BAG1: variants seen among roughly 807,000 people sequenced by gnomAD.
BAG1 encodes the protein BAG cochaperone 1, also known as BAG family molecular chaperone regulator 1.
Under a neutral mutation model 35.5 loss-of-function variants are expected in BAG1, and 35 were observed. That is an observed-to-expected ratio of 0.99 (90% CI 0.75 to 1.31). The LOEUF is 1.31. Among genes scored for constraint, BAG1 ranks in the 50% most tolerant of loss-of-function variants. The probability of loss-of-function intolerance (pLI) is 0.00; values close to 1 mark genes in which losing one functional copy is unlikely to be tolerated. For missense variants in BAG1, 464 were observed against 453.6 expected (o/e 1.02, Z -0.21); for synonymous variants, 191 against 178.9 (o/e 1.07, Z -0.54).
At chr9:33,255,764 A>G in intron 6 of BAG1, 101 bp downstream of exon 6, 2 of 1,321,106 alleles carry the variant, frequency 1.5e-6, no homozygotes, top group Non-Finnish European at 2.2e-6. Context: ...ACAAGCCCAT[A>G]CCACACACCA....
At position 33,253,642 on chromosome 9, in the gene BAG1, A is replaced by G. The variant is rs1333059657; in HGVS notation, c.*1577T>C. 6.6e-6 allele frequency: 1 copy of G among 152,068 alleles called. No homozygotes were observed. Among genetic ancestry groups the G allele is most frequent in the Non-Finnish European group, 1.5e-5 (1 of 68,022 alleles). The allele number at this position is 152,068 out of a possible 1,614,324, so 9.4% of individuals were successfully genotyped here. ...CCAGTCCTGAATTCCTGGGACTTCA[A>G]CGACTCTCTCTCTGCCAAATGATGT... is the stretch of plus-strand genomic sequence containing the variant. On this transcript the variant is annotated 3_prime_UTR_variant, in exon 7 of 7. Transcript: ENST00000634734.
intron 2 of BAG1, among the ~76,000 whole-genome samples, chr9:33,262,470 A>G (rs1421742417): frequency 6.6e-6 from 1 of 152,148 alleles, no homozygotes; most frequent in East Asian, 1.9e-4. Context: ...CAGCCTGGCC[A>G]ACATGGTGAA....
chr9:33,261,169 C>T lies in BAG1; in HGVS notation c.581G>A (p.Gly194Glu). Reference sequence around the variant, plus strand: ...TGTTTCCATTTCCTTCAGAGATTTTCCTAAAAAGAGGAGAAAGGTAGGCCA... The same window carrying T: ...TGTTTCCATTTCCTTCAGAGATTTTTCTAAAAAGAGGAGAAAGGTAGGCCA... The change falls in exon 3 of 7, where the codon GGA (glycine) becomes GAA (glutamate). Residue 194 changes from glycine (G) to glutamate (E), a missense_variant and splice_region_variant. Coordinates refer to ENST00000634734, the MANE Select transcript of BAG1 (RefSeq NM_004323.6). 1.2e-6 allele frequency: 2 copies of T among 1,605,422 alleles called. No homozygotes were observed. The highest frequency in any genetic ancestry group is 1.7e-6 in the Non-Finnish European group (2 of 1,176,036).
chr9:33,262,203 G>C, intron 2 of BAG1: 2 of 1,289,580 alleles, frequency 1.6e-6, no homozygotes, highest in African/African-American at 1.5e-5. Context: ...GTGTTTGAGA[G>C]TGTCCAATAC....
chr9:33,262,651 T>G (rs1390471976), intron 2 of BAG1, 51 bp downstream of exon 2: 13 of 1,494,820 alleles, frequency 8.7e-6, no homozygotes, highest in Non-Finnish European at 1.2e-5. Flanking sequence ...GAGTGAAACT[T>G]CGTCTCAAAA....
chr9:33,263,929 C>T (rs1820639974), intron 1 of BAG1, among the ~76,000 whole-genome samples: 1 of 152,120 alleles, frequency 6.6e-6, no homozygotes, highest in Non-Finnish European at 1.5e-5. Context: ...ACACAAAGGG[C>T]ACAATAACTG....
rs900154097 is a variant in BAG1, at chr9:33,264,611, G to A, written c.64C>T (p.Arg22Cys). 1.5e-6 allele frequency: 2 copies of A among 1,372,718 alleles called. No individual in the cohort carries two copies. Among genetic ancestry groups the A allele is most frequent in the Non-Finnish European group, 9.3e-7 (1 of 1,072,738 alleles). The allele number at this position is 1,372,718 out of a possible 1,614,324, so 85.0% of individuals were successfully genotyped here. A position where few individuals can be genotyped will look rare whatever the true frequency, so the allele number is the denominator to read the frequency against. ...GGCTCCCGGCCTGGCCGAAGGGCGC[G>A]CAGCCGGGAACCCAGCCGCTCCCGG... is the stretch of plus-strand genomic sequence containing the variant. Residue 22 changes from arginine to cysteine, a missense_variant, in exon 1 of 7, where the codon CGC becomes TGC. Coordinates refer to ENST00000634734, the MANE Select transcript of BAG1 (RefSeq NM_004323.6).
rs914514390 is a variant in BAG1 at position 33,261,010 on chromosome 9, G to C, written c.663+77C>G. The stretch of plus-strand genomic sequence containing the variant: ...AATGCAGAATCTGGGTCCCCAGTTT[G>C]GTCTTCTAAACAGAAACATGTATAA... On this transcript the variant is annotated intron_variant, in intron 3 of 6. Coordinates refer to ENST00000634734, the MANE Select transcript of BAG1 (RefSeq NM_004323.6). 6.7e-6 allele frequency: 8 copies of C among 1,198,812 alleles called. No individual in the cohort carries two copies. In the African/African-American group the frequency reaches 1.2e-4, roughly 19 times the overall value. The allele number at this position is 1,198,812 out of a possible 1,614,324, so 74.3% of individuals were successfully genotyped here. A position where few individuals can be genotyped will look rare whatever the true frequency, so the allele number is the denominator to read the frequency against.
chr9:33,256,033 C>T (rs1820446335), intron 5 of BAG1, 106 bp from the exon 6 acceptor site: 1 of 1,008,308 alleles, frequency 9.9e-7, no homozygotes, highest in East Asian at 2.5e-5. Flanking sequence ...CCACAGTACA[C>T]AAAACAGGTC....
At chr9:33,259,174 A>G in intron 3 of BAG1, 141 bp from the exon 4 acceptor site, 1 of 565,276 alleles carries the variant, frequency 1.8e-6, no homozygotes, top group East Asian at 3.4e-5. Context: ...CAGCCTGGCC[A>G]ACATGGTGAA....
In BAG1 at chr9:33,264,528, G is replaced by C. The variant is rs760236330; in HGVS notation, c.147C>G (p.Ala49=). 6.3e-7 allele frequency: 1 copy of C among 1,580,134 alleles called. No homozygotes were observed. Among genetic ancestry groups the C allele is most frequent in the Non-Finnish European group, 8.6e-7 (1 of 1,166,628 alleles). Residue 49 remains alanine, a synonymous_variant, in exon 1 of 7, where the codon GCC becomes GCG. Transcript: ENST00000634734. Reference sequence around the variant, plus strand: ...GGTCATGCCCGCTGGCAGTACTCCGGGCAGGTGGACGCCCAGAGGGAGGCG... The same window carrying C: ...GGTCATGCCCGCTGGCAGTACTCCGCGCAGGTGGACGCCCAGAGGGAGGCG...
intron 3 of BAG1, chr9:33,259,835 C>G (rs1434328016): frequency 2.6e-5 from 4 of 152,068 alleles, no homozygotes; most frequent in Non-Finnish European, 5.9e-5. Context: ...TGAACACTTC[C>G]TACATGCCAC....
intron 3 of BAG1, chr9:33,259,546 GAGA>G (rs1307401937): frequency 1.3e-5 from 2 of 154,312 alleles, no homozygotes; most frequent in Admixed American, 1.3e-4. Context: ...CCAGACTAGA[GAGA>G]AGGTGTTAGG....
intron 4 of BAG1, among the ~76,000 whole-genome samples, chr9:33,258,298 CAAAAAAA>C (rs10591225): frequency 3.3e-4 from 21 of 63,344 alleles, no homozygotes; most frequent in African/African-American, 1.5e-3. Flanking sequence ...GACTCCATAT[CAAAAAAA>C]AAAAAAAAAA....
At chr9:33,258,486 G>A (rs1160487779) in intron 4 of BAG1, among the ~76,000 whole-genome samples, 1 of 151,982 alleles carries the variant, frequency 6.6e-6, no homozygotes, top group African/African-American at 2.4e-5. Flanking sequence ...TGTTCAACTT[G>A]GACCTTCTAT....
rs1327972286 is a variant in BAG1, at chr9:33,252,925, C to G, written c.*2294G>C. 6.6e-6 allele frequency: 1 copy of G among 151,986 alleles called. No individual in the cohort carries two copies. Among genetic ancestry groups the G allele is most frequent in the Non-Finnish European group, 1.5e-5 (1 of 68,078 alleles). The allele number at this position is 151,986 out of a possible 1,614,324, so 9.4% of individuals were successfully genotyped here. A position where few individuals can be genotyped will look rare whatever the true frequency, so the allele number is the denominator to read the frequency against. ...CAGAGGTAGTAGCAGGAGCAAAGAC[C>G]CCCAGGCAGGAGAGGGTGCAGTGCA... On this transcript the variant is annotated 3_prime_UTR_variant, in exon 7 of 7. Transcript: ENST00000634734.
chr9:33,262,887 G>A lies in BAG1; in HGVS notation c.452-57C>T. 15 of 1,595,152 alleles carry A rather than the reference G, an allele frequency of 9.4e-6. 1 individual carries two copies. Among genetic ancestry groups the A allele is most frequent in the Admixed American group, 1.7e-5 (1 of 57,474 alleles). On this transcript the variant is annotated intron_variant, in intron 1 of 6. Coordinates refer to ENST00000634734, the MANE Select transcript of BAG1 (RefSeq NM_004323.6). ...GATTCTTTCACATACACCAATATAGGATGACACTTTATCACATTTATTTAC... is the reference window on the plus strand; with the variant it reads ...GATTCTTTCACATACACCAATATAGAATGACACTTTATCACATTTATTTAC...
Position 33,259,078 on chromosome 9 carries a change from A to T in BAG1, c.664-45T>A, listed in dbSNP as rs780271260. 48 of 1,541,200 alleles carry T rather than the reference A, an allele frequency of 3.1e-5. No individual in the cohort carries two copies. In the South Asian group the frequency reaches 5.1e-4, roughly 17 times the overall value. On this transcript the variant is annotated intron_variant, in intron 3 of 6. Transcript: ENST00000634734. Reference sequence around the variant, plus strand: ...AATAAAGCCAATAGTCAAAAAGAACAGGCTGGGCATGGTGGCTCATGCCTG... The same window carrying T: ...AATAAAGCCAATAGTCAAAAAGAACTGGCTGGGCATGGTGGCTCATGCCTG...
chr9:33,261,120 T>C lies in BAG1; in HGVS notation c.630A>G (p.Gln210=), dbSNP rs752936421. ...CAATTAACATGACCCGGCAACCATC[T>C]TGTATTCCAAGTGCTGACAACGGTG... The change falls in exon 3 of 7, where the codon CAA becomes CAG. Residue 210 remains glutamine (Q), a synonymous_variant. Coordinates refer to ENST00000634734, the MANE Select transcript of BAG1 (RefSeq NM_004323.6). 1.7e-5 allele frequency: 28 copies of C among 1,610,598 alleles called. No homozygotes were observed. Among genetic ancestry groups the C allele is most frequent in the East Asian group, 4.5e-5 (2 of 44,750 alleles).
Sources: gnomAD v4.1 joint callset for allele counts (sites outside exome capture counted in the v4.1 genomes callset) on GRCh38, gnomAD v4.1.1 for gene constraint, MANE v1.5 for transcripts, NCBI Gene and HGNC (gene_info 2026-07-23, HGNC 2026-07-21) for gene names.